DPP6: variants seen among roughly 807,000 people sequenced by gnomAD.
DPP6 encodes dipeptidyl peptidase like 6.
Under a neutral mutation model 122.6 loss-of-function variants are expected in DPP6, and 69 were observed. That is an observed-to-expected ratio of 0.56 (90% CI 0.46 to 0.69). The LOEUF (loss-of-function observed/expected upper bound fraction) is 0.69, where lower values mean the gene tolerates loss of function less well. Ranked by LOEUF, DPP6 falls within the 30% of genes least tolerant of loss-of-function variation. The pLI, the probability that DPP6 is intolerant of heterozygous loss-of-function variation, is 0.00. For missense variants in DPP6, 928 were observed against 1,116.9 expected (o/e 0.83, Z 2.41); for synonymous variants, 418 against 433.1 (o/e 0.97, Z 0.43).
intron 1 of DPP6, among the ~76,000 whole-genome samples, chr7:154,163,368 A>G (rs186625652): frequency 1.3e-5 from 2 of 152,100 alleles, no homozygotes; most frequent in East Asian, 3.9e-4. Context: ...CAGTTATTTT[A>G]CTTGCTCATG....
intron 3 of DPP6, among the ~76,000 whole-genome samples, chr7:154,507,432 C>T (rs1178401375): frequency 6.6e-6 from 1 of 152,152 alleles, no homozygotes; most frequent in Non-Finnish European, 1.5e-5. Context: ...TGCTCTCCCT[C>T]CCCTTGCTCC....
chr7:154,660,540 G>A (rs369993730), intron 6 of DPP6, among the ~76,000 whole-genome samples: 52 of 133,410 alleles, frequency 3.9e-4, no homozygotes, highest in African/African-American at 7.9e-4. Flanking sequence ...TGGCGCTAGT[G>A]TTCATATAGT....
At chr7:154,281,907 C>A (rs1585821126) in intron 1 of DPP6, among the ~76,000 whole-genome samples, 1 of 152,186 alleles carries the variant, frequency 6.6e-6, no homozygotes, top group East Asian at 1.9e-4. Context: ...AAAAGAGCCT[C>A]TCCCAGATGC....
At chr7:154,577,841 CAATT>C (rs1269707022) in intron 5 of DPP6, among the ~76,000 whole-genome samples, 1 of 152,178 alleles carries the variant, frequency 6.6e-6, no homozygotes, top group Non-Finnish European at 1.5e-5. Flanking sequence ...GACTCAAAAG[CAATT>C]AATATAGACC....
chr7:153,989,786 A>G (rs1273404577), intron 1 of DPP6, among the ~76,000 whole-genome samples: 2 of 151,936 alleles, frequency 1.3e-5, no homozygotes, highest in Non-Finnish European at 2.9e-5. Flanking sequence ...TCCCTGCATG[A>G]GAGAGCGTGG....
At chr7:154,409,094 A>C (rs900320582) in intron 1 of DPP6, among the ~76,000 whole-genome samples, 1 of 152,132 alleles carries the variant, frequency 6.6e-6, no homozygotes, top group Admixed American at 6.5e-5. Context: ...TGGTGAGCTG[A>C]GATTGCACCA....
At chr7:154,583,579 G>A (rs1269345190) in intron 5 of DPP6, among the ~76,000 whole-genome samples, 5 of 152,144 alleles carry the variant, frequency 3.3e-5, no homozygotes, top group Admixed American at 6.5e-5. Context: ...CCCAAAACGC[G>A]ATACACTGAG....
In DPP6 at chr7:154,282,903, C is replaced by T. The variant is rs998814173; in HGVS notation, c.244-163311C>T. Among the ~76,000 whole-genome samples, 1 of 152,174 alleles carries T rather than the reference C, an allele frequency of 6.6e-6. No individual in the cohort carries two copies. Among genetic ancestry groups the T allele is most frequent in the African/African-American group, 2.4e-5 (1 of 41,444 alleles). ...TGAATGCCAGAAGTTCCCTTGACAT[C>T]CTGCTCAGTCCAAGGGTCACAACAT... On this transcript the variant is annotated intron_variant, in intron 1 of 25. Transcript: ENST00000377770. The surrounding 1 kb of genome is among the most constrained non-coding windows in gnomAD (Gnocchi z 4.8).
intron 6 of DPP6, 121 bp from the exon 7 acceptor site, chr7:154,669,239 T>G (rs1054973809): frequency 8.9e-6 from 13 of 1,456,684 alleles, no homozygotes; most frequent in Non-Finnish European, 1.1e-5. Context: ...GACAAGCTCT[T>G]GAAATGGATA....
chr7:154,869,107 A>T (rs1356342575), intron 18 of DPP6, among the ~76,000 whole-genome samples: 1 of 152,202 alleles, frequency 6.6e-6, no homozygotes. Flanking sequence ...GTTGAGGCTG[A>T]TAAGTAACAC....
At chr7:153,803,560 G>C in the DPP6 span, among the ~76,000 whole-genome samples, 564 of 151,964 alleles carry the variant, frequency 3.7e-3, 6 homozygotes, top group African/African-American at 0.013. Context: ...GGACTCATAC[G>C]GAATTATATC....
chr7:153,924,055 C>G (rs550118758), intron 1 of DPP6, among the ~76,000 whole-genome samples: 1 of 152,160 alleles, frequency 6.6e-6, no homozygotes, highest in East Asian at 1.9e-4. Flanking sequence ...GCTGGTTATG[C>G]AGTCTCTCTG....
intron 1 of DPP6, among the ~76,000 whole-genome samples, chr7:154,185,659 C>T (rs572099606): frequency 1.1e-4 from 17 of 152,212 alleles, no homozygotes; most frequent in Middle Eastern, 3.4e-3. Flanking sequence ...AAGCAGTGAG[C>T]GCATCTAATA....
chr7:154,256,241 C>T (rs1041313123), intron 1 of DPP6, among the ~76,000 whole-genome samples: 2 of 152,026 alleles, frequency 1.3e-5, no homozygotes, highest in Non-Finnish European at 1.5e-5. Flanking sequence ...CAGTAGTGGC[C>T]GTAATTTATC....
intron 3 of DPP6, among the ~76,000 whole-genome samples, chr7:154,488,478 C>T (rs1488644813): frequency 6.6e-6 from 1 of 151,710 alleles, no homozygotes; most frequent in Non-Finnish European, 1.5e-5. Flanking sequence ...GCAGACACAC[C>T]CTTGTAATAA....
chr7:154,433,874 C>G (rs1356972369), intron 1 of DPP6, among the ~76,000 whole-genome samples: 1 of 152,188 alleles, frequency 6.6e-6, no homozygotes, highest in Non-Finnish European at 1.5e-5. Context: ...TCCTTTAGGC[C>G]TACACGTTCT....
chr7:153,848,057 G>A, the DPP6 span, among the ~76,000 whole-genome samples: 1 of 152,172 alleles, frequency 6.6e-6, no homozygotes, highest in East Asian at 1.9e-4. Context: ...AAAAATGTAC[G>A]CAGACACAGG....
intron 6 of DPP6, among the ~76,000 whole-genome samples, chr7:154,642,723 G>A (rs1467886600): frequency 6.6e-6 from 1 of 152,158 alleles, no homozygotes; most frequent in African/African-American, 2.4e-5. Context: ...TGGATCACTT[G>A]AGTTCGAGAC....
intron 1 of DPP6, among the ~76,000 whole-genome samples, chr7:154,349,820 A>C (rs1278127788): frequency 6.6e-6 from 1 of 152,218 alleles, no homozygotes; most frequent in African/African-American, 2.4e-5. Flanking sequence ...CTGAAAAAAA[A>C]CATGTATTAT....
Sources: allele counts gnomAD v4.1 joint callset (sites outside exome capture counted in the v4.1 genomes callset), GRCh38; gene constraint gnomAD v4.1.1; non-coding constraint Gnocchi (gnomAD v3.1); transcripts MANE v1.5; gene names NCBI Gene and HGNC (gene_info 2026-07-23, HGNC 2026-07-21).